Variants in CTNNA3 observed in about 807,000 individuals in gnomAD.
CTNNA3 encodes catenin alpha 3.
CTNNA3 carries 76 observed loss-of-function variants against 95.7 expected under a neutral mutation model. The observed-to-expected ratio is 0.79, with a 90% CI of 0.66 to 0.96. The LOEUF is 0.96. Ranked by LOEUF, CTNNA3 falls within the 40% of genes least tolerant of loss-of-function variation. The pLI is 0.00. For synonymous variants in CTNNA3, 431 were observed against 374.4 expected, an observed-to-expected ratio of 1.15 and a Z score of -1.74; for missense variants, 1,191 against 1,089.8, an observed-to-expected ratio of 1.09 and a Z score of -1.31.
chr10:65,955,168 T>C (rs2077702731), intron 17 of CTNNA3, among the ~76,000 whole-genome samples: 3 of 152,232 alleles, frequency 2.0e-5, no homozygotes, highest in Admixed American at 2.0e-4. Context: ...GGGAGTTCAC[T>C]CATGATTTGG....
chr10:66,006,788 A>T (rs2078895886), intron 15 of CTNNA3, among the ~76,000 whole-genome samples: 1 of 152,314 alleles, frequency 6.6e-6, no homozygotes, highest in Admixed American at 6.5e-5. Flanking sequence ...TTAGCATCTG[A>T]CCTTCTTAAA....
At chr10:67,439,617 A>G (rs1166512069) in intron 5 of CTNNA3, among the ~76,000 whole-genome samples, 1 of 152,078 alleles carries the variant, frequency 6.6e-6, no homozygotes, top group African/African-American at 2.4e-5. Context: ...ACCTCCAACA[A>G]TAAGGATTAC....
chr10:67,330,540 G>A (rs183482673), intron 5 of CTNNA3, among the ~76,000 whole-genome samples: 52 of 152,216 alleles, frequency 3.4e-4, no homozygotes, highest in Non-Finnish European at 4.1e-4. Flanking sequence ...AGAGGAAATG[G>A]AAGTAACTTA....
chr10:67,531,867 C>G (rs1398807455), intron 4 of CTNNA3, among the ~76,000 whole-genome samples: 2 of 152,098 alleles, frequency 1.3e-5, no homozygotes, highest in African/African-American at 2.4e-5. Flanking sequence ...CAGGTCTTTC[C>G]TGCACTGTTC....
At chr10:66,333,729 T>C (rs985387440) in intron 12 of CTNNA3, among the ~76,000 whole-genome samples, 7 of 151,618 alleles carry the variant, frequency 4.6e-5, no homozygotes, top group East Asian at 3.9e-4. Context: ...GAGAGTTCTG[T>C]AGATGTCTAT....
intron 9 of CTNNA3, among the ~76,000 whole-genome samples, chr10:66,719,625 G>GAAGCAC (rs1848562560): frequency 6.6e-6 from 1 of 152,102 alleles, no homozygotes; most frequent in Non-Finnish European, 1.5e-5. Context: ...AGGGTAACCA[G>GAAGCAC]AAGCACGATC....
At chr10:66,752,852 A>ACATG (rs1839204716) in intron 9 of CTNNA3, among the ~76,000 whole-genome samples, 1 of 152,078 alleles carries the variant, frequency 6.6e-6, no homozygotes, top group African/African-American at 2.4e-5. Flanking sequence ...ACACACACAC[A>ACATG]CACGCACACA....
chr10:67,660,737 C>G (rs920293641), intron 1 of CTNNA3, among the ~76,000 whole-genome samples: 35 of 152,042 alleles, frequency 2.3e-4, no homozygotes, highest in African/African-American at 8.2e-4. Flanking sequence ...CGAGACCATC[C>G]TGGCTAACAC....
intron 11 of CTNNA3, among the ~76,000 whole-genome samples, chr10:66,452,739 C>T (rs2093472478): frequency 6.6e-6 from 1 of 151,930 alleles, no homozygotes; most frequent in Non-Finnish European, 1.5e-5. Context: ...TTTTTTAGGC[C>T]CTGCCTTCTG....
intron 7 of CTNNA3, among the ~76,000 whole-genome samples, chr10:67,176,272 T>C (rs1862239877): frequency 6.6e-6 from 1 of 152,230 alleles, no homozygotes; most frequent in Non-Finnish European, 1.5e-5. Context: ...ATTGTATAAA[T>C]GTAGTAGATG....
chr10:66,036,270 A>G (rs2079561764), intron 15 of CTNNA3, among the ~76,000 whole-genome samples: 2 of 152,218 alleles, frequency 1.3e-5, no homozygotes, highest in African/African-American at 4.8e-5. Flanking sequence ...ACTGGAAGGC[A>G]TAAAATATTC....
At position 66,342,350 on chromosome 10, in the gene CTNNA3, A is replaced by T. The variant is rs900652534; in HGVS notation, c.1732+36802T>A. Reference sequence around the variant, plus strand: ...GCATTAAATGAATAGATAATTGAGGACATGAAAAATACATCCATTTATTCA... The same window carrying T: ...GCATTAAATGAATAGATAATTGAGGTCATGAAAAATACATCCATTTATTCA... On this transcript the variant is annotated intron_variant, in intron 12 of 17. Coordinates refer to ENST00000433211, the MANE Select transcript of CTNNA3 (RefSeq NM_013266.4). Among the ~76,000 whole-genome samples, 6 of 152,160 alleles carry T rather than the reference A, an allele frequency of 3.9e-5. No individual in the cohort carries two copies. The East Asian group carries it at 9.6e-4, about 24-fold the overall frequency.
intron 10 of CTNNA3, among the ~76,000 whole-genome samples, chr10:66,602,574 G>T (rs1014149825): frequency 1.3e-5 from 2 of 151,884 alleles, no homozygotes; most frequent in Non-Finnish European, 2.9e-5. Flanking sequence ...ACTGCACTAT[G>T]TAGATTCTGA....
intron 9 of CTNNA3, among the ~76,000 whole-genome samples, chr10:66,710,776 T>C (rs1848265780): frequency 5.3e-5 from 8 of 151,904 alleles, no homozygotes; most frequent in Admixed American, 4.6e-4. Context: ...TTAAATACAG[T>C]TTGAGGAAAG....
At chr10:66,499,909 TCACCTGCCTCA>T (rs1840221813) in intron 11 of CTNNA3, among the ~76,000 whole-genome samples, 1 of 151,496 alleles carries the variant, frequency 6.6e-6, no homozygotes, top group Non-Finnish European at 1.5e-5. Context: ...TTCAAGCAAT[TCACCTGCCTCA>T]GCCTCCGGAG....
At chr10:67,662,447 A>G (rs933844715) in intron 1 of CTNNA3, among the ~76,000 whole-genome samples, 6 of 152,212 alleles carry the variant, frequency 3.9e-5, no homozygotes, top group African/African-American at 1.4e-4. Flanking sequence ...CAGAAACTAG[A>G]AACAACTCAA....
At chr10:66,726,791 G>A (rs1848795654) in intron 9 of CTNNA3, among the ~76,000 whole-genome samples, 1 of 148,218 alleles carries the variant, frequency 6.7e-6, no homozygotes, top group Non-Finnish European at 1.5e-5. Flanking sequence ...CCAGTAGCCT[G>A]TTGGGAAGAC....
chr10:67,675,949 AT>A (rs1425173215), intron 1 of CTNNA3, among the ~76,000 whole-genome samples: 2 of 152,258 alleles, frequency 1.3e-5, no homozygotes, highest in Non-Finnish European at 1.5e-5. Context: ...TCCTAAGATC[AT>A]AAATATATTC....
chr10:66,707,871 C>T (rs1848168395), intron 9 of CTNNA3, among the ~76,000 whole-genome samples: 1 of 152,052 alleles, frequency 6.6e-6, no homozygotes, highest in Admixed American at 6.6e-5. Context: ...AAGCTATTAT[C>T]AAGCAGTTTT....
Sources: gnomAD v4.1 joint callset for allele counts (sites outside exome capture counted in the v4.1 genomes callset) on GRCh38, gnomAD v4.1.1 for gene constraint, MANE v1.5 for transcripts, NCBI Gene and HGNC (gene_info 2026-07-23, HGNC 2026-07-21) for gene names.